PRRC2B: variants seen among roughly 807,000 people sequenced by gnomAD.
PRRC2B encodes the protein protein PRRC2B.
A neutral mutation model predicts 242.3 loss-of-function variants in PRRC2B; 68 were observed. That is an observed-to-expected ratio of 0.28 (90% CI 0.23 to 0.34). The LOEUF is 0.34. Ranked by LOEUF, PRRC2B falls within the 10% of genes least tolerant of loss-of-function variation. PRRC2B has a pLI of 1.00. For synonymous variants in PRRC2B, 1,228 were observed against 1,173.6 expected (o/e 1.05, Z -0.95); for missense variants, 2,835 against 2,954.8 (o/e 0.96, Z 0.94).
Position 131,384,598 on chromosome 9 carries a change from T to C in PRRC2B, c.-56+10867T>C, listed in dbSNP as rs180857482. The stretch of plus-strand genomic sequence containing the variant: ...TGCGCCCGGCCTAATTTTTGTATTT[T>C]TAGTAGAGATGGGGTTTCACCATCT... On this transcript the variant is annotated intron_variant, in intron 1 of 1. Coordinates refer to the PRRC2B transcript ENST00000682525. 1.3e-4 allele frequency among the ~76,000 whole-genome samples: 19 copies of C among 149,404 alleles called. No individual in the cohort carries two copies. The East Asian group carries it at 3.6e-3, about 28-fold the overall frequency.
At chr9:131,451,856 T>C (rs988865464) in intron 9 of PRRC2B, among the ~76,000 whole-genome samples, 6 of 152,194 alleles carry the variant, frequency 3.9e-5, no homozygotes, top group African/African-American at 1.4e-4. Flanking sequence ...ATTTTGATAA[T>C]AGATTGCATT....
In PRRC2B at chr9:131,492,154, G is replaced by A. The variant is rs779995546; in HGVS notation, c.6382-15G>A. 4 of 1,606,356 alleles carry A rather than the reference G, an allele frequency of 2.5e-6. No homozygotes were observed. The highest frequency in any genetic ancestry group is 3.4e-6 in the Non-Finnish European group (4 of 1,173,188). On this transcript the variant is annotated splice_polypyrimidine_tract_variant and intron_variant, in intron 29 of 31. Transcript: ENST00000683519. The stretch of plus-strand genomic sequence containing the variant: ...GGGCCTCAAATGACAGCTTGTTCCT[G>A]CTTGGTCTCTCTAGCCCTCTCAGAT...
rs59621148 is a variant in PRRC2B, at chr9:131,420,496, T to TCTTTCTTTC, written c.-51-9598_-51-9597insCTTTCTTTC. On this transcript the variant is annotated intron_variant, in intron 1 of 31. Transcript: ENST00000683519. ...TTCTTTCTTTCTTTCTTTCTTTCTT[T>TCTTTCTTTC]TTTTTTTTTTTTTTGAGATGGAGGC... Among the ~76,000 whole-genome samples, 28 of 75,916 alleles carry TCTTTCTTTC rather than the reference T, an allele frequency of 3.7e-4. 1 individual carries two copies. The highest frequency in any genetic ancestry group is 8.4e-4 in the South Asian group (2 of 2,370). The allele number at this position is 75,916 out of a possible 152,430, so 49.8% of individuals were successfully genotyped here.
Position 131,414,156 on chromosome 9 carries a change from CAA to C in PRRC2B, c.-51-15936_-51-15935del, listed in dbSNP as rs539326788. Reference sequence around the variant, plus strand: ...TAGTCACTTAATTTATGACACATGACAAAGAGAAAAGATGGCCTTTTCAGAAA... The same window carrying C: ...TAGTCACTTAATTTATGACACATGACAGAGAAAAGATGGCCTTTTCAGAAA... On this transcript the variant is annotated intron_variant, in intron 1 of 31. Transcript: ENST00000683519. Among the ~76,000 whole-genome samples the C allele has an allele frequency of 3.6e-4, 55 of 151,812 alleles. No homozygotes were observed. In the East Asian group the frequency reaches 5.3e-3, roughly 15 times the overall value.
chr9:131,482,684 C>A lies in PRRC2B; in HGVS notation c.5176-26C>A. On this transcript the variant is annotated intron_variant, in intron 21 of 31. Transcript: ENST00000683519. The surrounding 1 kb of genome is among the most constrained non-coding windows in gnomAD (Gnocchi z 5.2). ...AGTGTGGTCATTCCAGTCTGTGTGT[C>A]TCCACCTCTCTGCTTTTTTATCAAG... 6.5e-7 allele frequency: 1 copy of A among 1,539,770 alleles called. No homozygotes were observed. Among genetic ancestry groups the A allele is most frequent in the South Asian group, 1.3e-5 (1 of 78,760 alleles).
At chr9:131,420,502 T>TCTTTCTTTC (rs1564278677) in intron 1 of PRRC2B, among the ~76,000 whole-genome samples, 4 of 97,950 alleles carry the variant, frequency 4.1e-5, no homozygotes, top group African/African-American at 8.3e-5. Context: ...TCTTTTTTTT[T>TCTTTCTTTC]TTTTTTTTGA....
At chr9:131,478,072 C>T (rs1297644641) in intron 17 of PRRC2B, 123 bp downstream of exon 17, 2 of 820,080 alleles carry the variant, frequency 2.4e-6, no homozygotes, top group Non-Finnish European at 3.9e-6. Context: ...CTCGGCCAGG[C>T]CCTGGGCTGG....
In PRRC2B at chr9:131,487,165, A is replaced by G. The variant is rs950537894; in HGVS notation, c.5857-2A>G. The G allele has an allele frequency of 6.2e-7, 1 of 1,613,202 alleles. No individual in the cohort carries two copies. On this transcript the variant is annotated splice_acceptor_variant, in intron 26 of 31. Coordinates refer to ENST00000683519, the MANE Select transcript of PRRC2B (RefSeq NM_013318.4). LOFTEE classifies it high-confidence loss of function. The surrounding 1 kb of genome is among the most constrained non-coding windows in gnomAD (Gnocchi z 5.3). ...TCCCCGACCCCGTTTTCCCGTTCAC[A>G]GGCCGCCGCTGCCCAGCAGATCCCG...
rs749441285 is a variant in PRRC2B at position 131,491,580 on chromosome 9, G to C, written c.6381G>C (p.Glu2127Asp). 3.7e-6 allele frequency: 6 copies of C among 1,607,566 alleles called. No homozygotes were observed. Among genetic ancestry groups the C allele is most frequent in the Non-Finnish European group, 5.1e-6 (6 of 1,177,490 alleles). Residue 2127 changes from glutamate (E) to aspartate (D), a missense_variant and splice_region_variant, in exon 29 of 32, where the codon GAG (glutamate) becomes GAC (aspartate). Coordinates refer to ENST00000683519, the MANE Select transcript of PRRC2B (RefSeq NM_013318.4). ...SQPPVLNTSR[E>D]PSQMEMKGFH... ...CGCCAGTCCTGAACACCAGCAGAGA[G>C]GTAAGGGGACCCCATCTGCCTCTGA...
chr9:131,391,678 G>A (rs1836901286), upstream of PRRC2B, among the ~76,000 whole-genome samples: 1 of 152,176 alleles, frequency 6.6e-6, no homozygotes, highest in Non-Finnish European at 1.5e-5. Context: ...TATAGGGAGT[G>A]TTTAGCACAG....
upstream of PRRC2B, among the ~76,000 whole-genome samples, chr9:131,392,681 G>A (rs995089057): frequency 3.3e-5 from 5 of 152,192 alleles, no homozygotes; most frequent in Non-Finnish European, 7.3e-5. Context: ...GGGAGGCCAA[G>A]GTAGGTGGAT....
At chr9:131,491,254 C>T (rs1564303259) in intron 28 of PRRC2B, 171 bp from the exon 29 acceptor site, 3 of 633,576 alleles carry the variant, frequency 4.7e-6, no homozygotes, top group East Asian at 3.2e-5. Flanking sequence ...AAATCCTGGG[C>T]GATCTCTCCT....
intron 5 of PRRC2B, 58 bp downstream of exon 5, chr9:131,439,119 T>G: frequency 6.9e-7 from 1 of 1,443,402 alleles, no homozygotes; most frequent in Non-Finnish European, 9.7e-7. Context: ...GGTGAATGCC[T>G]TTTCCAGAAT....
chr9:131,426,734 G>T (rs1299380753), intron 1 of PRRC2B, among the ~76,000 whole-genome samples: 1 of 152,214 alleles, frequency 6.6e-6, no homozygotes, highest in Non-Finnish European at 1.5e-5. Flanking sequence ...TAACTTGGGG[G>T]CAGTGAGTGC....
intron 1 of PRRC2B, among the ~76,000 whole-genome samples, chr9:131,423,953 T>TA (rs1276300970): frequency 2.0e-5 from 3 of 151,898 alleles, no homozygotes; most frequent in Non-Finnish European, 4.4e-5. Flanking sequence ...TTTTTTTTTT[T>TA]AGACAGATTT....
chr9:131,441,704 C>G (rs1196017619), intron 5 of PRRC2B, among the ~76,000 whole-genome samples: 2 of 152,134 alleles, frequency 1.3e-5, no homozygotes, highest in African/African-American at 4.8e-5. Flanking sequence ...GTGTTGCCCA[C>G]AAGTGTTTTC....
chr9:131,442,394 TG>T, intron 5 of PRRC2B, among the ~76,000 whole-genome samples: 1 of 152,172 alleles, frequency 6.6e-6, no homozygotes, highest in Non-Finnish European at 1.5e-5. Flanking sequence ...TTCTTGCCAG[TG>T]ACCTTCTACC....
At position 131,386,177 on chromosome 9, in the gene PRRC2B, A is replaced by C. The variant is rs1331436111; in HGVS notation, c.-56+12446A>C. The stretch of plus-strand genomic sequence containing the variant: ...GCCCAGGCTGGAGTGCAGTGGCGTG[A>C]ACATGTCTCACTGCAGCCTCGACTT... On this transcript the variant is annotated intron_variant, in intron 1 of 1. Coordinates refer to the PRRC2B transcript ENST00000682525. Among the ~76,000 whole-genome samples, 2 of 149,730 alleles carry C rather than the reference A, an allele frequency of 1.3e-5. 1 individual carries two copies. Among genetic ancestry groups the C allele is most frequent in the East Asian group, 4.0e-4 (2 of 5,054 alleles).
At chr9:131,453,315 G>A (rs1474342253) in intron 9 of PRRC2B, among the ~76,000 whole-genome samples, 1 of 152,172 alleles carries the variant, frequency 6.6e-6, no homozygotes, top group African/African-American at 2.4e-5. Flanking sequence ...TAGACAGCAC[G>A]TAATTGCAAC....
Sources: gnomAD v4.1 joint callset for allele counts (sites outside exome capture counted in the v4.1 genomes callset) on GRCh38, gnomAD v4.1.1 for gene constraint, Gnocchi (gnomAD v3.1) non-coding constraint, MANE v1.5 for transcripts, NCBI Gene and HGNC (gene_info 2026-07-23, HGNC 2026-07-21) for gene names.